MYZAP: variants seen among roughly 807,000 people sequenced by gnomAD.
MYZAP encodes the protein GRINL1A complex locus upstream.
In MYZAP, 66 loss-of-function variants were observed where a neutral mutation model predicts 69.4. That is an observed-to-expected ratio of 0.95 (90% CI 0.78 to 1.17). The LOEUF (loss-of-function observed/expected upper bound fraction) is 1.17. Among genes scored for constraint, MYZAP ranks in the 50% most tolerant of loss-of-function variants. The probability of loss-of-function intolerance (pLI) is 0.00; values close to 1 mark genes in which losing one functional copy is unlikely to be tolerated. For synonymous variants in MYZAP, 256 were observed against 205.9 expected, an observed-to-expected ratio of 1.24 and a Z score of -2.09; for missense variants, 611 against 556.2, an observed-to-expected ratio of 1.10 and a Z score of -0.99.
intron 2 of MYZAP, among the ~76,000 whole-genome samples, chr15:57,606,018 T>C (rs2034722829): frequency 6.6e-6 from 1 of 151,946 alleles, no homozygotes; most frequent in Non-Finnish European, 1.5e-5. Flanking sequence ...GAAGGCTCCC[T>C]TTTTTTTATA....
intron 10 of MYZAP, among the ~76,000 whole-genome samples, chr15:57,650,345 G>T (rs969571057): frequency 6.6e-6 from 1 of 152,126 alleles, no homozygotes; most frequent in African/African-American, 2.4e-5. Flanking sequence ...GTTGGTACAC[G>T]TTTAAGAAGA....
At chr15:57,625,119 G>A (rs567301096) in intron 4 of MYZAP, among the ~76,000 whole-genome samples, 1 of 151,182 alleles carries the variant, frequency 6.6e-6, no homozygotes, top group African/African-American at 2.4e-5. Flanking sequence ...GTGCAATGGC[G>A]CCATCTCAGC....
rs1389050994 is a variant in MYZAP at position 57,607,309 on chromosome 15, G to A, written c.162+2954G>A. Reference sequence around the variant, plus strand: ...GGGGTGGTAGGGGCTGGAGGACCCTGGAGGGTCTGTAACCACTGAAGAAGA... The same window carrying A: ...GGGGTGGTAGGGGCTGGAGGACCCTAGAGGGTCTGTAACCACTGAAGAAGA... On this transcript the variant is annotated intron_variant, in intron 2 of 12. Transcript: ENST00000267853. Among the ~76,000 whole-genome samples the A allele has an allele frequency of 3.3e-5, 5 of 152,280 alleles. No individual in the cohort carries two copies. The East Asian group carries it at 9.7e-4, about 29-fold the overall frequency.
chr15:57,682,611 G>A (rs1436971146), intron 12 of MYZAP, among the ~76,000 whole-genome samples: 1 of 152,142 alleles, frequency 6.6e-6, no homozygotes, highest in African/African-American at 2.4e-5. Flanking sequence ...ATAAAAATAT[G>A]AGCAGATCAT....
At chr15:57,625,603 G>A (rs2036083672) in intron 4 of MYZAP, among the ~76,000 whole-genome samples, 176 bp from the exon 5 acceptor site, 1 of 152,188 alleles carries the variant, frequency 6.6e-6, no homozygotes, top group South Asian at 2.1e-4. Flanking sequence ...TCCAAAGGAA[G>A]GTGATTCTTG....
Position 57,592,002 on chromosome 15 carries a change from G to A in MYZAP, c.-33G>A, listed in dbSNP as rs1371507860. 2.8e-6 allele frequency: 4 copies of A among 1,417,040 alleles called. No individual in the cohort carries two copies. Among genetic ancestry groups the A allele is most frequent in the Non-Finnish European group, 3.7e-6 (4 of 1,088,316 alleles). The allele number at this position is 1,417,040 out of a possible 1,614,324, so 87.8% of individuals were successfully genotyped here. ...GCTTATTCTGCCCGGGAGGAACGCCGGCGTCCAGCCCGCTACCGACCGCCG... is the reference window on the plus strand; with the variant it reads ...GCTTATTCTGCCCGGGAGGAACGCCAGCGTCCAGCCCGCTACCGACCGCCG... On this transcript the variant is annotated 5_prime_UTR_variant, in exon 1 of 13. Coordinates refer to ENST00000267853, the MANE Select transcript of MYZAP (RefSeq NM_001018100.5).
At chr15:57,678,660 C>A (rs934825947) in intron 12 of MYZAP, among the ~76,000 whole-genome samples, 1 of 152,066 alleles carries the variant, frequency 6.6e-6, no homozygotes, top group Admixed American at 6.5e-5. Flanking sequence ...CGTCTAGACA[C>A]TGTGTAAAAC....
intron 1 of MYZAP, among the ~76,000 whole-genome samples, chr15:57,593,478 A>G (rs1419120557): frequency 6.6e-6 from 1 of 152,220 alleles, no homozygotes; most frequent in Non-Finnish European, 1.5e-5. Context: ...CATGAATTGC[A>G]TGAAATTCTC....
At chr15:57,617,467 T>C (rs1034488238) in intron 2 of MYZAP, among the ~76,000 whole-genome samples, 8 of 152,174 alleles carry the variant, frequency 5.3e-5, no homozygotes, top group African/African-American at 1.7e-4. Context: ...GAGGATCCTT[T>C]TGGGCTGAAG....
chr15:57,655,020 G>T (rs993708454), intron 10 of MYZAP, among the ~76,000 whole-genome samples: 1 of 152,128 alleles, frequency 6.6e-6, no homozygotes, highest in Non-Finnish European at 1.5e-5. Flanking sequence ...GTTCCCTGTG[G>T]GTTTGGGGTC....
intron 10 of MYZAP, among the ~76,000 whole-genome samples, chr15:57,641,470 T>C (rs1015168110): frequency 1.3e-5 from 2 of 152,212 alleles, no homozygotes; most frequent in Non-Finnish European, 2.9e-5. Context: ...GTCCATGCTT[T>C]GCTTTTTTCT....
chr15:57,639,989 T>C (rs2037055147), intron 10 of MYZAP, among the ~76,000 whole-genome samples: 1 of 152,118 alleles, frequency 6.6e-6, no homozygotes, highest in Non-Finnish European at 1.5e-5. Flanking sequence ...TTCATTCCCT[T>C]TCCTTGTCTG....
At position 57,631,885 on chromosome 15, in the gene MYZAP, G is replaced by A. The variant is rs116489446; in HGVS notation, c.679-549G>A. Among the ~76,000 whole-genome samples, 967 of 152,238 alleles carry A rather than the reference G, an allele frequency of 6.4e-3. 6 individuals are homozygous for A. The highest frequency in any genetic ancestry group is 0.031 in the Middle Eastern group (9 of 294). Reference sequence around the variant, plus strand: ...TGGCGGGAAGTCTGTGTGTGAGAACGTGGCCTGGCAAACAGGAGGCACCAG... The same window carrying A: ...TGGCGGGAAGTCTGTGTGTGAGAACATGGCCTGGCAAACAGGAGGCACCAG... On this transcript the variant is annotated intron_variant, in intron 6 of 12. Coordinates refer to ENST00000267853, the MANE Select transcript of MYZAP (RefSeq NM_001018100.5).
At chr15:57,609,072 G>A (rs928187194) in intron 2 of MYZAP, among the ~76,000 whole-genome samples, 3 of 152,062 alleles carry the variant, frequency 2.0e-5, no homozygotes, top group African/African-American at 4.8e-5. Context: ...ACTCCACATA[G>A]GTATAGATAT....
At chr15:57,670,822 A>G (rs989962623) in intron 11 of MYZAP, among the ~76,000 whole-genome samples, 1 of 152,004 alleles carries the variant, frequency 6.6e-6, no homozygotes, top group South Asian at 2.1e-4. Context: ...TTAGCTGTTC[A>G]CTGTGCACCT....
At chr15:57,619,213 G>C (rs4144510) in intron 3 of MYZAP, among the ~76,000 whole-genome samples, 17,499 of 152,020 alleles carry the variant, frequency 0.12, 1,251 homozygotes, top group East Asian at 0.37. Flanking sequence ...ATTTCTTGTT[G>C]AATTTAAAAA....
At chr15:57,630,562 G>C (rs2036443280) in intron 6 of MYZAP, among the ~76,000 whole-genome samples, 1 of 152,124 alleles carries the variant, frequency 6.6e-6, no homozygotes, top group Non-Finnish European at 1.5e-5. Flanking sequence ...GAAGAAAATT[G>C]GTGGGTGACT....
intron 8 of MYZAP, among the ~76,000 whole-genome samples, chr15:57,634,137 G>C (rs2036674312): frequency 6.6e-6 from 1 of 152,060 alleles, no homozygotes; most frequent in Admixed American, 6.6e-5. Context: ...CTGGGGACTT[G>C]AGAGAGTAGG....
At chr15:57,643,761 A>G (rs1349110019) in intron 10 of MYZAP, among the ~76,000 whole-genome samples, 1 of 145,618 alleles carries the variant, frequency 6.9e-6, no homozygotes, top group Non-Finnish European at 1.5e-5. Flanking sequence ...TTTTTAAGCT[A>G]TATCCCAGTG....
Sources: allele counts gnomAD v4.1 joint callset (sites outside exome capture counted in the v4.1 genomes callset), GRCh38; gene constraint gnomAD v4.1.1; transcripts MANE v1.5; gene names NCBI Gene and HGNC (gene_info 2026-07-23, HGNC 2026-07-21).